The following RBFOX3 variants were observed in gnomAD, a reference collection of about 807,000 sequenced individuals.
RBFOX3 encodes RNA binding fox-1 homolog 3, also known as RNA binding protein fox-1 homolog 3.
A neutral mutation model predicts 48.7 loss-of-function variants in RBFOX3; 17 were observed. That is an observed-to-expected ratio of 0.35 (90% confidence interval 0.24 to 0.52). RBFOX3 has a LOEUF of 0.52. Among genes scored for constraint, RBFOX3 ranks in the 20% least tolerant of loss-of-function variants. The pLI is 0.94. For synonymous variants in RBFOX3, 212 were observed against 209.5 expected, an observed-to-expected ratio of 1.01 and a Z score of -0.10; for missense variants, 382 against 497.5, an observed-to-expected ratio of 0.77 and a Z score of 2.21.
At chr17:79,371,432 G>A (rs895741028) in intron 2 of RBFOX3, among the ~76,000 whole-genome samples, 1 of 152,180 alleles carries the variant, frequency 6.6e-6, no homozygotes, top group African/African-American at 2.4e-5. Flanking sequence ...GCTCCCTGTG[G>A]GGGCAAGAGC....
chr17:79,625,907 C>A, the RBFOX3 span, among the ~76,000 whole-genome samples: 2 of 152,182 alleles, frequency 1.3e-5, no homozygotes, highest in South Asian at 2.1e-4. Context: ...GAGGCAGCGC[C>A]CCTTACCACC....
intron 4 of RBFOX3, among the ~76,000 whole-genome samples, chr17:79,208,818 C>CT (rs534953126): frequency 0.03 from 4,441 of 146,896 alleles, 186 homozygotes; most frequent in African/African-American, 0.092. Context: ...TTCTCTCTTT[C>CT]TTTTTTTTTT....
intron 1 of RBFOX3, among the ~76,000 whole-genome samples, chr17:79,584,685 C>T (rs986549362): frequency 1.1e-4 from 17 of 152,230 alleles, no homozygotes; most frequent in Non-Finnish European, 1.9e-4. Flanking sequence ...AACCAAATAT[C>T]GTATGTTCAC....
At chr17:79,305,974 C>T (rs1224179923) in intron 3 of RBFOX3, among the ~76,000 whole-genome samples, 2 of 152,214 alleles carry the variant, frequency 1.3e-5, no homozygotes, top group African/African-American at 4.8e-5. Context: ...CAGACTCTGC[C>T]GTCACTGGCT....
At position 79,199,020 on chromosome 17, in the gene RBFOX3, T is replaced by C. The variant is rs944755100; in HGVS notation, c.-34+36746A>G. Among the ~76,000 whole-genome samples the C allele has an allele frequency of 6.6e-5, 10 of 152,166 alleles. No homozygotes were observed. The highest frequency in any genetic ancestry group is 3.9e-4 in the Admixed American group (6 of 15,272). On this transcript the variant is annotated intron_variant, in intron 4 of 14. Coordinates refer to ENST00000693108, the MANE Select transcript of RBFOX3 (RefSeq NM_001350451.2). This position sits in a 1 kb window ranked among gnomAD's most constrained non-coding sequence, Gnocchi z 5.1. ...ATGCTGAGTTTGTGAGGCTGAACAT[T>C]GCCTGTAACTCAGTTGTGAGGCTGT...
At chr17:79,208,828 T>G (rs546113631) in intron 4 of RBFOX3, among the ~76,000 whole-genome samples, 2 of 151,834 alleles carry the variant, frequency 1.3e-5, no homozygotes, top group African/African-American at 2.4e-5. Flanking sequence ...CTTTTTTTTT[T>G]TGTTTGAGAC....
At chr17:79,616,661 G>A in the RBFOX3 span, among the ~76,000 whole-genome samples, 61 of 151,000 alleles carry the variant, frequency 4.0e-4, no homozygotes, top group Middle Eastern at 0.01. Flanking sequence ...TGTATGTGTC[G>A]GATCTCCCCT....
chr17:79,340,115 A>G (rs1234136352), intron 2 of RBFOX3, among the ~76,000 whole-genome samples: 1 of 152,120 alleles, frequency 6.6e-6, no homozygotes, highest in African/African-American at 2.4e-5. Flanking sequence ...CCTGACGAAC[A>G]TGGTGAAACC....
intron 4 of RBFOX3, among the ~76,000 whole-genome samples, chr17:79,168,850 C>CCCGG (rs142113133): frequency 6.6e-6 from 1 of 152,040 alleles, no homozygotes; most frequent in African/African-American, 2.4e-5. Context: ...TGCGCCCTCG[C>CCCGG]CTGGCCCTGG....
chr17:79,360,347 G>A lies in RBFOX3; in HGVS notation c.-174-52523C>T, dbSNP rs187979709. Among the ~76,000 whole-genome samples the A allele has an allele frequency of 7.2e-5, 11 of 152,290 alleles. No individual in the cohort carries two copies. In the East Asian group the frequency reaches 2.1e-3, roughly 29 times the overall value. On this transcript the variant is annotated intron_variant, in intron 2 of 14. Coordinates refer to ENST00000693108, the MANE Select transcript of RBFOX3 (RefSeq NM_001350451.2). ...TGCAGGGAACCAAGGAACCTGCAGG[G>A]AACCCTGCACCCAGCTGGGCACGCT...
intron 2 of RBFOX3, among the ~76,000 whole-genome samples, chr17:79,469,102 T>C (rs1326941087): frequency 6.6e-6 from 1 of 152,044 alleles, no homozygotes; most frequent in Non-Finnish European, 1.5e-5. Flanking sequence ...TGGATACAGA[T>C]AGATATGGAT....
intron 4 of RBFOX3, among the ~76,000 whole-genome samples, chr17:79,129,743 T>C (rs2038321476): frequency 6.6e-6 from 1 of 152,230 alleles, no homozygotes; most frequent in Non-Finnish European, 1.5e-5. Context: ...TTTGCCAATT[T>C]CCCTGGTGTA....
At chr17:79,330,375 C>A (rs1335870066) in intron 2 of RBFOX3, among the ~76,000 whole-genome samples, 1 of 152,130 alleles carries the variant, frequency 6.6e-6, no homozygotes, top group Non-Finnish European at 1.5e-5. Context: ...ACACAGGAGT[C>A]CCCCCAGTTT....
At position 79,611,034 on chromosome 17, in the gene RBFOX3, G is replaced by C. The variant is rs2093958311; in HGVS notation, c.-528C>G. On this transcript the variant is annotated 5_prime_UTR_variant, in exon 1 of 15. Coordinates refer to ENST00000693108, the MANE Select transcript of RBFOX3 (RefSeq NM_001350451.2). ...CTGCTGGGGCCCGGCTGGGGCCGCT[G>C]TCCGAGGAGGTTCTGCTGGCTTCGG... Among the ~76,000 whole-genome samples the C allele has an allele frequency of 6.6e-6, 1 of 150,978 alleles. No homozygotes were observed. Among genetic ancestry groups the C allele is most frequent in the African/African-American group, 2.4e-5 (1 of 41,178 alleles).
chr17:79,401,585 C>A (rs1349360878), intron 2 of RBFOX3, among the ~76,000 whole-genome samples: 1 of 152,180 alleles, frequency 6.6e-6, no homozygotes, highest in African/African-American at 2.4e-5. Flanking sequence ...GAACCTATTT[C>A]TTTTGTTTCA....
At chr17:79,557,897 G>A (rs1034075222) in intron 1 of RBFOX3, among the ~76,000 whole-genome samples, 21 of 152,244 alleles carry the variant, frequency 1.4e-4, no homozygotes, top group African/African-American at 4.1e-4. Context: ...GTGGCGCTGC[G>A]GTTGTTTGCT....
At chr17:79,496,813 G>A (rs369556027) in intron 1 of RBFOX3, among the ~76,000 whole-genome samples, 2,937 of 152,286 alleles carry the variant, frequency 0.019, 86 homozygotes, top group African/African-American at 0.068. Flanking sequence ...TCACGAGATT[G>A]TCACGTGAAT....
At chr17:79,550,312 T>G (rs968138493) in intron 1 of RBFOX3, among the ~76,000 whole-genome samples, 12 of 152,132 alleles carry the variant, frequency 7.9e-5, no homozygotes, top group African/African-American at 2.9e-4. Flanking sequence ...GGAGCCAGTG[T>G]ATTAACCAGC....
At chr17:79,244,540 G>A (rs896987495) in intron 3 of RBFOX3, among the ~76,000 whole-genome samples, 2 of 138,862 alleles carry the variant, frequency 1.4e-5, no homozygotes, top group East Asian at 4.4e-4. Context: ...CAGTGGGCCT[G>A]GTTTTCACCC....
Sources: allele counts gnomAD v4.1 joint callset (sites outside exome capture counted in the v4.1 genomes callset), GRCh38; gene constraint gnomAD v4.1.1; non-coding constraint Gnocchi (gnomAD v3.1); transcripts MANE v1.5; gene names NCBI Gene and HGNC (gene_info 2026-07-23, HGNC 2026-07-21).